Variants in NKAIN3 observed in about 807,000 individuals in gnomAD.
NKAIN3 encodes the protein sodium/potassium-transporting ATPase subunit beta-1-interacting protein 3.
Under a neutral mutation model 30.2 loss-of-function variants are expected in NKAIN3, and 25 were observed. The ratio of observed to expected loss-of-function variants is 0.83; its 90% confidence interval spans 0.60 to 1.16. The LOEUF (loss-of-function observed/expected upper bound fraction) is 1.16. Ranked by LOEUF, NKAIN3 falls within the 50% of genes most tolerant of loss-of-function variation. The pLI, the probability that NKAIN3 is intolerant of heterozygous loss-of-function variation, is 0.00. For missense variants in NKAIN3, 225 were observed against 254.1 expected, an observed-to-expected ratio of 0.89 and a Z score of 0.78; for synonymous variants, 91 against 89.6, an observed-to-expected ratio of 1.02 and a Z score of -0.09.
At chr8:62,435,612 C>G (rs144031340) in intron 1 of NKAIN3, among the ~76,000 whole-genome samples, 1 of 151,938 alleles carries the variant, frequency 6.6e-6, no homozygotes, top group Admixed American at 6.6e-5. Context: ...CCTGTGAGCA[C>G]GTATAAGGAG....
chr8:62,398,873 C>T (rs992805224), intron 1 of NKAIN3, among the ~76,000 whole-genome samples: 5 of 152,150 alleles, frequency 3.3e-5, no homozygotes, highest in Admixed American at 6.5e-5. Context: ...AGGCAGATCA[C>T]GAGGTCAGGA....
At position 62,508,503 on chromosome 8, in the gene NKAIN3, G is replaced by A. The variant is rs145491222; in HGVS notation, c.55-71036G>A. ...GGATGTGGCTTCTGTGACAACCCTCGGAGCCACAAGCCAAGCCCCTCATTG... is the reference window on the plus strand; with the variant it reads ...GGATGTGGCTTCTGTGACAACCCTCAGAGCCACAAGCCAAGCCCCTCATTG... On this transcript the variant is annotated intron_variant, in intron 1 of 6. Transcript: ENST00000623646. Among the ~76,000 whole-genome samples, 35 of 152,142 alleles carry A rather than the reference G, an allele frequency of 2.3e-4. No individual in the cohort carries two copies. In the East Asian group the frequency reaches 6.2e-3, roughly 27 times the overall value.
chr8:62,969,396 C>A lies in NKAIN3; in HGVS notation c.*3989C>A, dbSNP rs1426448194. 6.6e-6 allele frequency among the ~76,000 whole-genome samples: 1 copy of A among 152,168 alleles called. No homozygotes were observed. Among genetic ancestry groups the A allele is most frequent in the African/African-American group, 2.4e-5 (1 of 41,438 alleles). ...ACTCTGCTAATTTGAGAAGCAAAAA[C>A]CAAAATTTCTCTTTTCAATCTTTGC... is the stretch of plus-strand genomic sequence containing the variant. On this transcript the variant is annotated 3_prime_UTR_variant, in exon 7 of 7. Transcript: ENST00000623646.
intron 1 of NKAIN3, among the ~76,000 whole-genome samples, chr8:62,514,981 C>A (rs1563435050): frequency 6.6e-6 from 1 of 152,046 alleles, no homozygotes; most frequent in African/African-American, 2.4e-5. Context: ...TAATCATAAT[C>A]CTTAGTTTGG....
chr8:62,940,455 G>A (rs1224239198), intron 5 of NKAIN3, among the ~76,000 whole-genome samples: 1 of 152,018 alleles, frequency 6.6e-6, no homozygotes, highest in African/African-American at 2.4e-5. Flanking sequence ...AGTAACAACT[G>A]CAGAATAGAC....
intron 3 of NKAIN3, among the ~76,000 whole-genome samples, chr8:62,620,837 A>T (rs867334268): frequency 6.6e-6 from 1 of 152,156 alleles, no homozygotes; most frequent in Admixed American, 6.5e-5. Flanking sequence ...CTTTTGGTCA[A>T]TTTTCAAAGT....
At chr8:62,611,564 A>C (rs1811291137) in intron 3 of NKAIN3, among the ~76,000 whole-genome samples, 4 of 152,162 alleles carry the variant, frequency 2.6e-5, no homozygotes, top group Non-Finnish European at 1.5e-5. Context: ...TGCCTGGCTT[A>C]TTTCCCTTAA....
rs1288001215 is a variant in NKAIN3, at chr8:62,984,207, G to C, written c.*18800G>C. 2 of 152,180 alleles carry C rather than the reference G, an allele frequency of 1.3e-5. No individual in the cohort carries two copies. The highest frequency in any genetic ancestry group is 2.4e-5 in the African/African-American group (1 of 41,444). 9.4% of individuals were successfully genotyped at this position (152,180 alleles called of 1,614,324 possible). On this transcript the variant is annotated 3_prime_UTR_variant, in exon 7 of 7. Coordinates refer to ENST00000623646, the MANE Select transcript of NKAIN3 (RefSeq NM_001304533.3). ...GCTGTGACTGACAGAACTAAAGGGA[G>C]TTTGCTCTCACATTCACAATACCAA... is the stretch of plus-strand genomic sequence containing the variant.
intron 3 of NKAIN3, among the ~76,000 whole-genome samples, chr8:62,701,708 T>C (rs1285335299): frequency 3.9e-5 from 6 of 152,222 alleles, no homozygotes; most frequent in Non-Finnish European, 8.8e-5. Flanking sequence ...TCTGGAACCC[T>C]GTTTCCATCA....
intron 1 of NKAIN3, among the ~76,000 whole-genome samples, chr8:62,338,205 G>T (rs1337856711): frequency 2.0e-5 from 3 of 151,920 alleles, no homozygotes; most frequent in Non-Finnish European, 1.5e-5. Context: ...ATTTCATGAT[G>T]TGAAAAGTTT....
chr8:62,618,532 CT>C lies in NKAIN3; in HGVS notation c.273+28748del, dbSNP rs952717687. ...CGTGGTGGACAATTAGTTGTGGTGG[CT>C]TTTTTTTTTCTTTTCCCATGTGTTT... On this transcript the variant is annotated intron_variant, in intron 3 of 6. Coordinates refer to ENST00000623646, the MANE Select transcript of NKAIN3 (RefSeq NM_001304533.3). Among the ~76,000 whole-genome samples the C allele has an allele frequency of 1.6e-3, 237 of 148,348 alleles. 1 individual carries two copies. Among genetic ancestry groups the C allele is most frequent in the African/African-American group, 4.8e-3 (193 of 40,552 alleles).
In NKAIN3 at chr8:62,344,120, T is replaced by C. The variant is rs1286935119; in HGVS notation, c.54+94993T>C. ...GACAGCCAGGCTGGGGGGTGGAGGG[T>C]TATTGTGGCTTCTGGGGCAACACAG... On this transcript the variant is annotated intron_variant, in intron 1 of 6. Coordinates refer to ENST00000623646, the MANE Select transcript of NKAIN3 (RefSeq NM_001304533.3). Among the ~76,000 whole-genome samples, 3 of 151,696 alleles carry C rather than the reference T, an allele frequency of 2.0e-5. No individual in the cohort carries two copies. In the East Asian group the frequency reaches 5.8e-4, roughly 30 times the overall value.
At chr8:62,249,829 AGT>A (rs1812036120) in intron 1 of NKAIN3, among the ~76,000 whole-genome samples, 1 of 152,056 alleles carries the variant, frequency 6.6e-6, no homozygotes, top group Non-Finnish European at 1.5e-5. Flanking sequence ...TTGCAGAGGG[AGT>A]GTGTGTAATG....
intron 1 of NKAIN3, among the ~76,000 whole-genome samples, chr8:62,434,009 T>A (rs760474780): frequency 3.9e-5 from 6 of 152,136 alleles, no homozygotes; most frequent in Non-Finnish European, 7.4e-5. Flanking sequence ...CACACAGATA[T>A]GAGCATGGCA....
chr8:62,948,899 G>C (rs891938007), intron 5 of NKAIN3, among the ~76,000 whole-genome samples: 44 of 152,148 alleles, frequency 2.9e-4, no homozygotes, highest in African/African-American at 8.4e-4. Flanking sequence ...AAAATCCAAA[G>C]AGATATGCAT....
intron 3 of NKAIN3, among the ~76,000 whole-genome samples, chr8:62,604,007 C>T (rs559963644): frequency 3.9e-5 from 6 of 152,174 alleles, no homozygotes; most frequent in Non-Finnish European, 8.8e-5. Flanking sequence ...GTATGAAGTT[C>T]CTAACAAGCC....
intron 1 of NKAIN3, among the ~76,000 whole-genome samples, chr8:62,469,161 G>A (rs931031806): frequency 2.6e-5 from 4 of 152,034 alleles, no homozygotes; most frequent in Non-Finnish European, 4.4e-5. Flanking sequence ...TAGTATCAAT[G>A]GATTAGAGTT....
intron 1 of NKAIN3, among the ~76,000 whole-genome samples, chr8:62,458,883 G>A (rs1376758531): frequency 6.6e-6 from 1 of 152,148 alleles, no homozygotes; most frequent in Non-Finnish European, 1.5e-5. Flanking sequence ...AGTCTATTTT[G>A]GAACAGGTCA....
At chr8:62,608,285 C>T (rs924987130) in intron 3 of NKAIN3, among the ~76,000 whole-genome samples, 1 of 152,032 alleles carries the variant, frequency 6.6e-6, no homozygotes, top group African/African-American at 2.4e-5. Flanking sequence ...TCCTGTGTCA[C>T]GTATTAAAGG....
Sources: gnomAD v4.1 joint callset for allele counts (sites outside exome capture counted in the v4.1 genomes callset) on GRCh38, gnomAD v4.1.1 for gene constraint, MANE v1.5 for transcripts, NCBI Gene and HGNC (gene_info 2026-07-23, HGNC 2026-07-21) for gene names.